FBN1: variants seen among roughly 807,000 people sequenced by gnomAD.
FBN1 encodes the protein fibrillin-1.
Under a neutral mutation model 365.1 loss-of-function variants are expected in FBN1, and 29 were observed. The ratio of observed to expected loss-of-function variants is 0.08; its 90% confidence interval spans 0.06 to 0.11. The LOEUF (loss-of-function observed/expected upper bound fraction) is 0.11. Ranked by LOEUF, FBN1 falls within the 10% of genes least tolerant of loss-of-function variation. The pLI is 1.00. For missense variants in FBN1, 2,476 were observed against 3,703.2 expected (o/e 0.67, Z 8.60); for synonymous variants, 1,210 against 1,270.5 (o/e 0.95, Z 1.01).
At chr15:48,485,777 T>A (rs1406891034) in intron 29 of FBN1, among the ~76,000 whole-genome samples, 2 of 152,198 alleles carry the variant, frequency 1.3e-5, no homozygotes, top group African/African-American at 2.4e-5. Context: ...ATATTGGATT[T>A]CCCACCCTCC....
In FBN1 at chr15:48,503,818, T is replaced by A. The variant is rs773288488; in HGVS notation, c.2082A>T (p.Glu694Asp). The change falls in exon 17 of 66, where the codon GAA becomes GAT. Residue 694 changes from glutamate to aspartate, a missense_variant. Glu to Asp is a conservative substitution (Grantham distance 45). This residue lies in a region of FBN1 where 1,780 missense variants were observed against 2,840.8 expected (regional missense o/e 0.63). Coordinates refer to ENST00000316623, the MANE Select transcript of FBN1 (RefSeq NM_000138.5). ...CCASTEYAFG[E>D]PCQPCPAQNS... The stretch of plus-strand genomic sequence containing the variant: ...TCTGTGCAGGACACGGCTGGCAAGG[T>A]TCCCCAAATGCATACTCAGTGCTGG... 1 of 1,614,024 alleles carries A rather than the reference T, an allele frequency of 6.2e-7. No individual in the cohort carries two copies. Among genetic ancestry groups the A allele is most frequent in the Middle Eastern group, 1.7e-4 (1 of 5,990 alleles).
intron 43 of FBN1, among the ~76,000 whole-genome samples, chr15:48,459,554 G>A (rs1050087401): frequency 6.6e-6 from 1 of 152,132 alleles, no homozygotes; most frequent in Non-Finnish European, 1.5e-5. Flanking sequence ...GACTTAAGAG[G>A]GCATCTAAGG....
At chr15:48,476,774 CTTTTTTTTTTTTTTTT>C (rs34020705) in intron 32 of FBN1, 7 of 64,562 alleles carry the variant, frequency 1.1e-4, no homozygotes, top group Admixed American at 4.0e-4. Context: ...CCACGCCTGG[CTTTTTTTTTTTTTTTT>C]TTTTTTTTTT....
At chr15:48,509,253 G>A (rs895995525) in intron 14 of FBN1, among the ~76,000 whole-genome samples, 1 of 151,818 alleles carries the variant, frequency 6.6e-6, no homozygotes, top group Non-Finnish European at 1.5e-5. Context: ...GATTATAGCT[G>A]TGGCAGTGAA....
In FBN1 at chr15:48,441,734, T is replaced by G; in HGVS notation, c.6150A>C (p.Gly2050=). The change falls in exon 50 of 66, where the codon GGA becomes GGC. Residue 2050 remains glycine, a synonymous_variant. Transcript: ENST00000316623. The stretch of plus-strand genomic sequence containing the variant: ...AAAGACACTTACCTTGGCACCTTCT[T>G]CCACTGGAGGACAAGGAAAACCCTT... ...CPEGFSLSSS[G]RRCQDLRMSY... 3.1e-6 allele frequency: 5 copies of G among 1,613,624 alleles called. No homozygotes were observed. The highest frequency in any genetic ancestry group is 4.2e-6 in the Non-Finnish European group (5 of 1,179,630).
chr15:48,576,716 T>C (rs1056390101), intron 6 of FBN1, among the ~76,000 whole-genome samples: 10 of 152,320 alleles, frequency 6.6e-5, no homozygotes, highest in Middle Eastern at 3.4e-3. Flanking sequence ...ACCACTCTTG[T>C]AGCTAAGGAT....
chr15:48,452,780 A>G, intron 44 of FBN1, 96 bp from the exon 45 acceptor site: 2 of 1,396,204 alleles, frequency 1.4e-6, no homozygotes, highest in Non-Finnish European at 2.0e-6. Flanking sequence ...TTTTATTTTG[A>G]TCTGTTCTAT....
In FBN1 at chr15:48,525,116, T is replaced by C. The variant is rs115964012; in HGVS notation, c.988+1014A>G. The stretch of plus-strand genomic sequence containing the variant: ...TTTTTTTTTTTTTTCAGATGAAGTC[T>C]CGTTCTATCGCCCAGGCTGGAGTGC... On this transcript the variant is annotated intron_variant, in intron 9 of 65. Coordinates refer to ENST00000316623, the MANE Select transcript of FBN1 (RefSeq NM_000138.5). Among the ~76,000 whole-genome samples the C allele has an allele frequency of 5.1e-3, 768 of 151,738 alleles. 5 individuals are homozygous for C. The highest frequency in any genetic ancestry group is 0.018 in the African/African-American group (737 of 41,292).
intron 32 of FBN1, among the ~76,000 whole-genome samples, chr15:48,475,913 A>G (rs912753378): frequency 8.5e-5 from 13 of 152,242 alleles, no homozygotes; most frequent in African/African-American, 3.1e-4. Flanking sequence ...TGATCATAAA[A>G]ATGAAGCAGC....
chr15:48,566,208 C>A (rs2044257574), intron 6 of FBN1, among the ~76,000 whole-genome samples: 2 of 152,132 alleles, frequency 1.3e-5, no homozygotes, highest in Admixed American at 1.3e-4. Context: ...AACACATTTC[C>A]ACCACAGATT....
At chr15:48,621,526 T>C (rs944695958) in intron 2 of FBN1, among the ~76,000 whole-genome samples, 5 of 152,222 alleles carry the variant, frequency 3.3e-5, no homozygotes, top group African/African-American at 1.2e-4. Flanking sequence ...TCAAGGTCAT[T>C]AAAACAAGGA....
At chr15:48,590,712 T>G (rs142146270) in intron 6 of FBN1, among the ~76,000 whole-genome samples, 25 of 152,372 alleles carry the variant, frequency 1.6e-4, no homozygotes, top group African/African-American at 5.3e-4. Context: ...AGTACCTGCA[T>G]GAAGAGCTAG....
rs777771118 is a variant in FBN1, at chr15:48,628,015, A to C, written c.165-14923T>G. Among the ~76,000 whole-genome samples, 66 of 152,186 alleles carry C rather than the reference A, an allele frequency of 4.3e-4. 1 individual carries two copies. Among genetic ancestry groups the C allele is most frequent in the Non-Finnish European group, 1.5e-4 (10 of 68,036 alleles). ...TCTGTAGCAGCACCCACTGACGAAA[A>C]AGCAGTTCCAAAAGCCTGTCATTTC... On this transcript the variant is annotated intron_variant, in intron 2 of 65. Transcript: ENST00000316623.
chr15:48,420,559 A>T, intron 63 of FBN1, 128 bp downstream of exon 63: 1 of 1,267,606 alleles, frequency 7.9e-7, no homozygotes, highest in South Asian at 1.2e-5. Flanking sequence ...GGTTTCAACC[A>T]GGTTAGGGCA....
At chr15:48,633,410 C>T (rs1183751684) in intron 2 of FBN1, among the ~76,000 whole-genome samples, 1 of 152,180 alleles carries the variant, frequency 6.6e-6, no homozygotes, top group Non-Finnish European at 1.5e-5. Flanking sequence ...TAGTTGATCC[C>T]AGGTCATTTG....
rs1347186642 is a variant in FBN1 at position 48,410,610 on chromosome 15, T to C, written c.*380A>G. The C allele has an allele frequency of 4.4e-6, 1 of 229,178 alleles. No individual in the cohort carries two copies. Among genetic ancestry groups the C allele is most frequent in the African/African-American group, 2.3e-5 (1 of 42,794 alleles). 14.2% of individuals were successfully genotyped at this position (229,178 alleles called of 1,614,324 possible). A position where few individuals can be genotyped will look rare whatever the true frequency, so the allele number is the denominator to read the frequency against. On this transcript the variant is annotated 3_prime_UTR_variant, in exon 66 of 66. Transcript: ENST00000316623. ...ATAAATGGACAACCTAGTACTTGTA[T>C]TTGGAGAAGCAAAGTTTACAAATTT...
chr15:48,522,284 TAC>T (rs965956064), intron 9 of FBN1, among the ~76,000 whole-genome samples: 6 of 152,116 alleles, frequency 3.9e-5, no homozygotes, highest in African/African-American at 1.4e-4. Context: ...ATTAATTTAA[TAC>T]ACTTTATTGT....
chr15:48,455,033 G>A (rs3825963), intron 44 of FBN1, among the ~76,000 whole-genome samples: 5,099 of 152,292 alleles, frequency 0.033, 292 homozygotes, highest in East Asian at 0.24. Context: ...GAGCAGAGGC[G>A]TGGAAGCTCC....
At chr15:48,442,658 A>T (rs2141246292) in intron 49 of FBN1, among the ~76,000 whole-genome samples, 1 of 152,334 alleles carries the variant, frequency 6.6e-6, no homozygotes. Flanking sequence ...GCCCCAGCTC[A>T]TGCCAGTTGG....
Sources: gnomAD v4.1 joint callset for allele counts (sites outside exome capture counted in the v4.1 genomes callset) on GRCh38, gnomAD v4.1.1 for gene constraint, gnomAD v4.1.1 regional missense constraint, MANE v1.5 for transcripts, NCBI Gene and HGNC (gene_info 2026-07-23, HGNC 2026-07-21) for gene names.